GINS3: variants seen among roughly 807,000 people sequenced by gnomAD.
GINS3 encodes DNA replication complex GINS protein PSF3.
GINS3 carries 18 observed loss-of-function variants against 20.0 expected under a neutral mutation model. The ratio of observed to expected loss-of-function variants is 0.90; its 90% CI spans 0.62 to 1.33. The LOEUF (loss-of-function observed/expected upper bound fraction) is 1.33, where lower values mean the gene tolerates loss of function less well. GINS3 is among the 40% of genes most tolerant of loss of function. The probability of loss-of-function intolerance (pLI) is 0.00; values close to 1 mark genes in which losing one functional copy is unlikely to be tolerated. For missense variants in GINS3, 254 were observed against 273.6 expected (o/e 0.93, Z 0.51); for synonymous variants, 109 against 107.0 (o/e 1.02, Z -0.12).
At position 58,405,056 on chromosome 16, in the gene GINS3, T is replaced by C. The variant is rs1490002572; in HGVS notation, c.*327T>C. The C allele has an allele frequency of 7.5e-6, 2 of 266,090 alleles. No homozygotes were observed. The highest frequency in any genetic ancestry group is 5.4e-5 in the South Asian group (1 of 18,578). The allele number at this position is 266,090 out of a possible 1,614,324, so 16.5% of individuals were successfully genotyped here. On this transcript the variant is annotated 3_prime_UTR_variant, in exon 3 of 3. Coordinates refer to ENST00000318129, the MANE Select transcript of GINS3 (RefSeq NM_022770.4). Reference sequence around the variant, plus strand: ...GTAGAGTTGCAACTGAGATTCCTTGTGTCTGGGAGTTTGGACAGCTTCAGA... The same window carrying C: ...GTAGAGTTGCAACTGAGATTCCTTGCGTCTGGGAGTTTGGACAGCTTCAGA...
At chr16:58,397,193 C>A (rs1234603597) in intron 1 of GINS3, among the ~76,000 whole-genome samples, 1 of 151,174 alleles carries the variant, frequency 6.6e-6, no homozygotes, top group Non-Finnish European at 1.5e-5. Flanking sequence ...GGCAGAGGGT[C>A]TCCTCACTTC....
rs759665798 is a variant in GINS3, at chr16:58,404,625, C to T, written c.547C>T (p.Leu183=). ...RGLFQTGQKG[L]NDFQCWEKGQ... ...CTTATTTCAAACAGGGCAGAAAGGA[C>T]TGAATGACTTTCAGTGTTGGGAGAA... Residue 183 remains leucine, a synonymous_variant, in exon 3 of 3, where the codon CTG becomes TTG. Coordinates refer to ENST00000318129, the MANE Select transcript of GINS3 (RefSeq NM_022770.4). 6.8e-6 allele frequency: 11 copies of T among 1,614,020 alleles called. No individual in the cohort carries two copies. Among genetic ancestry groups the T allele is most frequent in the Admixed American group, 3.3e-5 (2 of 60,010 alleles).
intron 1 of GINS3, among the ~76,000 whole-genome samples, chr16:58,398,045 T>G (rs1045618059): frequency 6.6e-6 from 1 of 152,170 alleles, no homozygotes; most frequent in Non-Finnish European, 1.5e-5. Flanking sequence ...CTTAGGACTC[T>G]GTTGGTTTTC....
intron 1 of GINS3, among the ~76,000 whole-genome samples, chr16:58,395,971 C>G (rs931593810): frequency 8.8e-5 from 13 of 148,394 alleles, no homozygotes; most frequent in South Asian, 2.2e-4. Context: ...CTGGCCCCCC[C>G]ACCTCCCTCC....
In GINS3 at chr16:58,401,004, G is replaced by A. The variant is rs1456299256; in HGVS notation, c.187-2094G>A. Reference sequence around the variant, plus strand: ...TAATTTTTGTATTTTTAGTAGAAACGGGGTTTCACCATGTTGGTCAGGCCC... The same window carrying A: ...TAATTTTTGTATTTTTAGTAGAAACAGGGTTTCACCATGTTGGTCAGGCCC... On this transcript the variant is annotated intron_variant, in intron 1 of 2. Transcript: ENST00000318129. Among the ~76,000 whole-genome samples the A allele has an allele frequency of 4.6e-5, 7 of 152,016 alleles. No homozygotes were observed. The South Asian group carries it at 8.3e-4, about 18-fold the overall frequency.
chr16:58,401,421 G>A (rs1965952621), intron 1 of GINS3, among the ~76,000 whole-genome samples: 3 of 152,174 alleles, frequency 2.0e-5, no homozygotes, highest in Non-Finnish European at 4.4e-5. Flanking sequence ...GCAGGTTGCT[G>A]CTGGTGGCTT....
At chr16:58,395,075 AATTTTTT>A in intron 1 of GINS3, 1 of 517,854 alleles carries the variant, frequency 1.9e-6, no homozygotes, top group Non-Finnish European at 3.3e-6. Context: ...CATTTTATCT[AATTTTTT>A]TTTTTTTTTT....
chr16:58,399,141 C>G (rs1297227952), intron 1 of GINS3, among the ~76,000 whole-genome samples: 1 of 152,016 alleles, frequency 6.6e-6, no homozygotes, highest in Non-Finnish European at 1.5e-5. Flanking sequence ...TAGCAAGACC[C>G]TGTCTCTAGG....
intron 2 of GINS3, chr16:58,404,255 A>C (rs1965996811): frequency 1.9e-6 from 1 of 521,328 alleles, no homozygotes; most frequent in Admixed American, 3.4e-5. Context: ...GGTGCATTAC[A>C]TGTATTCATT....
At chr16:58,399,213 C>T (rs1236626503) in intron 1 of GINS3, among the ~76,000 whole-genome samples, 1 of 150,786 alleles carries the variant, frequency 6.6e-6, no homozygotes, top group Non-Finnish European at 1.5e-5. Context: ...ACTCAGGAGA[C>T]TGAGGCAAGA....
Position 58,393,468 on chromosome 16 carries a change from G to A in GINS3, c.186+681G>A, listed in dbSNP as rs540188764. On this transcript the variant is annotated intron_variant, in intron 1 of 2. Coordinates refer to ENST00000318129, the MANE Select transcript of GINS3 (RefSeq NM_022770.4). ...AATTTGGATATCCTGTTTCACCTAA[G>A]TTTTGTATAGAACGATGTTTATTGT... The A allele has an allele frequency of 2.0e-5, 3 of 152,304 alleles. No individual in the cohort carries two copies. In the South Asian group the frequency reaches 6.2e-4, roughly 32 times the overall value. The allele number at this position is 152,304 out of a possible 1,614,324, so 9.4% of individuals were successfully genotyped here. A position where few individuals can be genotyped will look rare whatever the true frequency, so the allele number is the denominator to read the frequency against.
At chr16:58,392,871 C>T in intron 1 of GINS3, 84 bp downstream of exon 1, 2 of 1,356,090 alleles carry the variant, frequency 1.5e-6, no homozygotes, top group Non-Finnish European at 9.8e-7. Context: ...CATCGGGGCG[C>T]GCTGCCCTTT....
rs1471420771 is a variant in GINS3, at chr16:58,404,735, G to A, written c.*6G>A. Reference sequence around the variant, plus strand: ...TCACTGATATGGAAGACTGAAAGCCGGAAGAACACAGAATGGCTCCTCACA... The same window carrying A: ...TCACTGATATGGAAGACTGAAAGCCAGAAGAACACAGAATGGCTCCTCACA... On this transcript the variant is annotated 3_prime_UTR_variant, in exon 3 of 3. Coordinates refer to ENST00000318129, the MANE Select transcript of GINS3 (RefSeq NM_022770.4). The A allele has an allele frequency of 1.0e-5, 16 of 1,603,336 alleles. No homozygotes were observed. Among genetic ancestry groups the A allele is most frequent in the African/African-American group, 1.3e-5 (1 of 74,786 alleles).
chr16:58,395,134 T>A, intron 1 of GINS3: 1 of 522,980 alleles, frequency 1.9e-6, no homozygotes, highest in Non-Finnish European at 3.3e-6. Context: ...TGGAGTGCAG[T>A]GGTGTGATAT....
At chr16:58,401,726 G>A (rs969458517) in intron 1 of GINS3, among the ~76,000 whole-genome samples, 2 of 152,196 alleles carry the variant, frequency 1.3e-5, no homozygotes, top group East Asian at 1.9e-4. Context: ...GTGAGCCACC[G>A]GCCCCTGCCA....
chr16:58,395,943 G>T (rs562933141), intron 1 of GINS3, among the ~76,000 whole-genome samples: 1 of 150,450 alleles, frequency 6.6e-6, no homozygotes, highest in Non-Finnish European at 1.5e-5. Context: ...CGGACGGGGC[G>T]GCTGGCTGGG....
intron 1 of GINS3, among the ~76,000 whole-genome samples, chr16:58,397,687 A>G (rs941214917): frequency 2.6e-5 from 4 of 152,174 alleles, no homozygotes; most frequent in Non-Finnish European, 5.9e-5. Flanking sequence ...CGCGCCTGCA[A>G]TCACAGGCAC....
At chr16:58,403,431 T>G in intron 2 of GINS3, 100 bp downstream of exon 2, 1 of 889,516 alleles carries the variant, frequency 1.1e-6, no homozygotes, top group Non-Finnish European at 1.7e-6. Context: ...GTAAATTTAG[T>G]CTGTTTTTAT....
Position 58,392,722 on chromosome 16 carries a change from C to A in GINS3, c.121C>A (p.Pro41Thr), listed in dbSNP as rs1965798422. The A allele has an allele frequency of 6.2e-7, 1 of 1,614,054 alleles. No individual in the cohort carries two copies. Among genetic ancestry groups the A allele is most frequent in the Non-Finnish European group, 8.5e-7 (1 of 1,180,040 alleles). The change falls in exon 1 of 3, where the codon CCT becomes ACT. Residue 41 changes from proline to threonine, a missense_variant. By Grantham distance (38) the Pro-to-Thr change is conservative. Transcript: ENST00000318129. ...KLPVRTETAM[P>T]RLGAFFLERS... ...GCCGGTGCGCACGGAGACCGCCATGCCTCGCCTTGGCGCTTTCTTCCTGGA... is the reference window on the plus strand; with the variant it reads ...GCCGGTGCGCACGGAGACCGCCATGACTCGCCTTGGCGCTTTCTTCCTGGA...
Sources: gnomAD v4.1 joint callset for allele counts (sites outside exome capture counted in the v4.1 genomes callset) on GRCh38, gnomAD v4.1.1 for gene constraint, MANE v1.5 for transcripts, NCBI Gene and HGNC (gene_info 2026-07-23, HGNC 2026-07-21) for gene names.